Variants in OTOP3 observed in about 807,000 individuals in gnomAD.
OTOP3 encodes the protein proton channel OTOP3.
Under a neutral mutation model 50.8 loss-of-function variants are expected in OTOP3, and 41 were observed. The ratio of observed to expected loss-of-function variants is 0.81; its 90% CI spans 0.63 to 1.05. The LOEUF is 1.05. Among genes scored for constraint, OTOP3 ranks in the 50% least tolerant of loss-of-function variants. OTOP3 has a pLI of 0.00. For synonymous variants in OTOP3, 320 were observed against 324.4 expected (o/e 0.99, Z 0.14); for missense variants, 788 against 760.8 (o/e 1.04, Z -0.42).
Position 74,947,268 on chromosome 17 carries a change from C to G in OTOP3, c.1359C>G (p.Gly453=). ...HIAQNLFIIE[G]LHRRPLWETV... The stretch of plus-strand genomic sequence containing the variant: ...CTCAGAACCTCTTCATCATCGAGGG[C>G]CTGCACCGGCGCCCACTCTGGGAGA... Residue 453 remains glycine, a synonymous_variant, in exon 6 of 7, where the codon GGC becomes GGG. Coordinates refer to ENST00000328801, the MANE Select transcript of OTOP3 (RefSeq NM_001272005.2). The G allele has an allele frequency of 6.2e-7, 1 of 1,613,614 alleles. No individual in the cohort carries two copies. Among genetic ancestry groups the G allele is most frequent in the African/African-American group, 1.3e-5 (1 of 75,050 alleles).
intron 6 of OTOP3, among the ~76,000 whole-genome samples, chr17:74,948,147 G>T (rs1264636689): frequency 6.6e-6 from 1 of 152,176 alleles, no homozygotes; most frequent in Admixed American, 6.5e-5. Flanking sequence ...GCATAGCCAA[G>T]GAAGGCTTCA....
At chr17:74,935,833 A>G, upstream of OTOP3, 1 of 1,524,570 alleles carries the variant, frequency 6.6e-7, no homozygotes, top group South Asian at 1.2e-5. Flanking sequence ...GCGGCTGCGC[A>G]GTCCCGCTGG....
intron 4 of OTOP3, 124 bp downstream of exon 4, chr17:74,943,468 C>G (rs867927926): frequency 7.4e-7 from 1 of 1,355,136 alleles, no homozygotes; most frequent in Non-Finnish European, 1.1e-6. Flanking sequence ...AGGGCTGCCT[C>G]TTGTGTCCTA....
Position 74,947,301 on chromosome 17 carries a change from C to CT in OTOP3, c.1392_1393insT (p.Glu465Ter), listed in dbSNP as rs1567952866. 6.2e-7 allele frequency: 1 copy of CT among 1,613,448 alleles called. No homozygotes were observed. The highest frequency in any genetic ancestry group is 8.5e-7 in the Non-Finnish European group (1 of 1,179,856). On this transcript the variant is annotated frameshift_variant, in exon 6 of 7. Transcript: ENST00000328801. LOFTEE classifies it high-confidence loss of function. ...GGCGCCCACTCTGGGAGACAGTTCC[C>CT]GAGGGCCTGGCAGGAAAGCAGGAGG...
chr17:74,943,600 C>T lies in OTOP3; in HGVS notation c.633-6C>T, dbSNP rs780078521. ...GTGTGTGAGAAGAGTGTGGCATTTCCCCCAGGTGTGGCCTGATGCTGACCC... is the reference window on the plus strand; with the variant it reads ...GTGTGTGAGAAGAGTGTGGCATTTCTCCCAGGTGTGGCCTGATGCTGACCC... On this transcript the variant is annotated splice_polypyrimidine_tract_variant and splice_region_variant and intron_variant, in intron 4 of 6. Transcript: ENST00000328801. The T allele has an allele frequency of 1.9e-6, 3 of 1,613,300 alleles. No homozygotes were observed. Among genetic ancestry groups the T allele is most frequent in the Non-Finnish European group, 2.5e-6 (3 of 1,179,588 alleles).
upstream of OTOP3, chr17:74,935,818 G>A: frequency 6.6e-7 from 1 of 1,516,260 alleles, no homozygotes; most frequent in Non-Finnish European, 8.9e-7. Flanking sequence ...CGCGGAGCCC[G>A]AGCGGCGGCT....
At chr17:74,939,890 G>C (rs181250025) in intron 1 of OTOP3, among the ~76,000 whole-genome samples, 374 of 152,088 alleles carry the variant, frequency 2.5e-3, no homozygotes, top group Non-Finnish European at 3.9e-3. Flanking sequence ...AACCTTTAAT[G>C]TACTTTAAAA....
In OTOP3 at chr17:74,947,203, A is replaced by T. The variant is rs1329358865; in HGVS notation, c.1294A>T (p.Ile432Phe). 3.1e-6 allele frequency: 5 copies of T among 1,613,864 alleles called. No homozygotes were observed. Among genetic ancestry groups the T allele is most frequent in the Non-Finnish European group, 4.2e-6 (5 of 1,180,010 alleles). ...KRPHELLNRL[I>F]LAYSLLLILQ... Reference sequence around the variant, plus strand: ...CCCGCATGAGCTGCTCAACCGCCTCATCCTGGCCTACTCGCTGCTGCTCAT... The same window carrying T: ...CCCGCATGAGCTGCTCAACCGCCTCTTCCTGGCCTACTCGCTGCTGCTCAT... Residue 432 changes from isoleucine to phenylalanine, a missense_variant, in exon 6 of 7, where the codon ATC (isoleucine) becomes TTC (phenylalanine). Physicochemically the swap from Ile to Phe is conservative, Grantham distance 21. Transcript: ENST00000328801.
chr17:74,936,953 C>T (rs553012636), intron 1 of OTOP3, among the ~76,000 whole-genome samples: 6 of 93,424 alleles, frequency 6.4e-5, no homozygotes, highest in African/African-American at 1.9e-4. Flanking sequence ...ATTCATCACC[C>T]CCCCACCCTT....
At chr17:74,935,810 C>T (rs2039107921), upstream of OTOP3, 1 of 1,514,710 alleles carries the variant, frequency 6.6e-7, no homozygotes, top group African/African-American at 1.4e-5. Flanking sequence ...CGATGGGCCG[C>T]GGAGCCCGAG....
chr17:74,949,400 T>G lies in OTOP3; in HGVS notation c.1721T>G (p.Val574Gly), dbSNP rs1598610141. 1 of 1,612,022 alleles carries G rather than the reference T, an allele frequency of 6.2e-7. No homozygotes were observed. Among genetic ancestry groups the G allele is most frequent in the Non-Finnish European group, 8.5e-7 (1 of 1,179,612 alleles). Residue 574 changes from valine (V) to glycine (G), a missense_variant, in exon 7 of 7, where the codon GTC becomes GGC. Transcript: ENST00000328801. ...CACTCTGTGGGAGGCCTGGTGGAGGTCTACCTGGGGGCCTGAGGCTGCCCA... is the reference window on the plus strand; with the variant it reads ...CACTCTGTGGGAGGCCTGGTGGAGGGCTACCTGGGGGCCTGAGGCTGCCCA... ...RMHSVGGLVE[V>G]YLGA
intron 5 of OTOP3, among the ~76,000 whole-genome samples, chr17:74,945,692 C>T (rs903442123): frequency 2.8e-4 from 43 of 152,288 alleles, no homozygotes; most frequent in Admixed American, 2.3e-3. Context: ...GGCTGGGTTC[C>T]GCTGTCACAG....
At chr17:74,937,603 A>G (rs767082285) in intron 1 of OTOP3, among the ~76,000 whole-genome samples, 4 of 152,046 alleles carry the variant, frequency 2.6e-5, no homozygotes, top group Non-Finnish European at 5.9e-5. Flanking sequence ...GATCATCGGG[A>G]GTCTCCTCCC....
rs759291192 is a variant in OTOP3 at position 74,941,591 on chromosome 17, C to T, written c.218C>T (p.Ser73Leu). ...GCCCAGAAGGCTGGACAACTCTTCT[C>T]GGGGCTCCTGGCCCTGAATGTGGTG... ...RQAQKAGQLF[S>L]GLLALNVVFL... Residue 73 changes from serine (S) to leucine (L), a missense_variant, in exon 2 of 7, where the codon TCG becomes TTG. By Grantham distance (145) the Ser-to-Leu change is moderately radical. Coordinates refer to ENST00000328801, the MANE Select transcript of OTOP3 (RefSeq NM_001272005.2). The T allele has an allele frequency of 2.5e-6, 4 of 1,612,450 alleles. No individual in the cohort carries two copies. Among genetic ancestry groups the T allele is most frequent in the Non-Finnish European group, 3.4e-6 (4 of 1,178,950 alleles).
intron 4 of OTOP3, 103 bp from the exon 5 acceptor site, chr17:74,943,503 A>T: frequency 7.5e-7 from 1 of 1,333,384 alleles, no homozygotes; most frequent in Non-Finnish European, 1.1e-6. Flanking sequence ...CTAGGGAGTG[A>T]GTGGTTGGGA....
rs1037879585 is a variant in OTOP3 at position 74,936,012 on chromosome 17, C to T, written c.19+72C>T. The T allele has an allele frequency of 1.2e-5, 18 of 1,530,548 alleles. No homozygotes were observed. The East Asian group carries it at 2.5e-4, about 21-fold the overall frequency. 94.8% of individuals were successfully genotyped at this position (1,530,548 alleles called of 1,614,324 possible). On this transcript the variant is annotated intron_variant, in intron 1 of 6. Transcript: ENST00000328801. ...ACACTGGCACATACTACCCACCCCC[C>T]CAAAAGGGGGGTTCACAAGTAGGGG...
At chr17:74,942,870 G>A (rs1158975176) in intron 3 of OTOP3, among the ~76,000 whole-genome samples, 2 of 150,304 alleles carry the variant, frequency 1.3e-5, no homozygotes, top group Admixed American at 6.6e-5. Flanking sequence ...GTGTGAACCC[G>A]AAAGGCAGAT....
chr17:74,935,864 G>C, upstream of OTOP3: 1 of 1,542,056 alleles, frequency 6.5e-7, no homozygotes. Context: ...CGCGGGCATC[G>C]GTCTCACCTG....
intron 5 of OTOP3, among the ~76,000 whole-genome samples, chr17:74,945,224 G>A (rs1011583476): frequency 6.6e-6 from 1 of 152,180 alleles, no homozygotes; most frequent in African/African-American, 2.4e-5. Flanking sequence ...CCAAAGTGCT[G>A]GGATTATAGG....
Sources: gnomAD v4.1 joint callset for allele counts (sites outside exome capture counted in the v4.1 genomes callset) on GRCh38, gnomAD v4.1.1 for gene constraint, MANE v1.5 for transcripts, NCBI Gene and HGNC (gene_info 2026-07-23, HGNC 2026-07-21) for gene names.